Variants in CNTN5 observed in about 807,000 individuals in gnomAD.
CNTN5 encodes contactin 5, also known as contactin-5.
A neutral mutation model predicts 129.1 loss-of-function variants in CNTN5; 77 were observed. That is an observed-to-expected ratio of 0.60 (90% CI 0.50 to 0.72). The LOEUF (loss-of-function observed/expected upper bound fraction) is 0.72. CNTN5 is among the 30% of genes least tolerant of loss of function. The pLI is 0.00. For synonymous variants in CNTN5, 509 were observed against 465.6 expected, an observed-to-expected ratio of 1.09 and a Z score of -1.20; for missense variants, 1,478 against 1,328.8, an observed-to-expected ratio of 1.11 and a Z score of -1.75.
intron 1 of CNTN5, among the ~76,000 whole-genome samples, chr11:99,031,751 T>C (rs1399106985): frequency 6.6e-6 from 1 of 151,940 alleles, no homozygotes; most frequent in Non-Finnish European, 1.5e-5. Context: ...AATTCATGGC[T>C]TAGTTTTTCT....
chr11:99,641,838 A>G (rs547598537), intron 3 of CNTN5, among the ~76,000 whole-genome samples: 1 of 152,294 alleles, frequency 6.6e-6, no homozygotes, highest in South Asian at 2.1e-4. Context: ...TATTAAATAC[A>G]TAATAGCAAC....
At chr11:99,290,456 C>T (rs891330035) in intron 1 of CNTN5, among the ~76,000 whole-genome samples, 5 of 151,830 alleles carry the variant, frequency 3.3e-5, no homozygotes, top group Non-Finnish European at 7.4e-5. Context: ...TTTAAGGCTA[C>T]TAGAAATTTT....
intron 8 of CNTN5, among the ~76,000 whole-genome samples, chr11:99,999,241 T>G (rs542361002): frequency 1.3e-4 from 20 of 152,058 alleles, no homozygotes; most frequent in African/African-American, 3.9e-4. Flanking sequence ...GGGAGAAAAT[T>G]TTCACAACCT....
At chr11:99,322,959 A>G (rs1314772697) in intron 1 of CNTN5, among the ~76,000 whole-genome samples, 1 of 152,170 alleles carries the variant, frequency 6.6e-6, no homozygotes, top group Non-Finnish European at 1.5e-5. Flanking sequence ...GTTGTGAAAT[A>G]ATAAGACAAC....
chr11:100,206,723 A>G (rs1948920749), intron 15 of CNTN5, among the ~76,000 whole-genome samples: 1 of 152,072 alleles, frequency 6.6e-6, no homozygotes, highest in Non-Finnish European at 1.5e-5. Context: ...CTTCGGGAAA[A>G]CAGGGACTAA....
At chr11:99,846,089 G>A (rs1020546214) in intron 6 of CNTN5, among the ~76,000 whole-genome samples, 6 of 149,092 alleles carry the variant, frequency 4.0e-5, no homozygotes, top group African/African-American at 9.9e-5. Context: ...CCCAGTTTTC[G>A]TATTGCAAAA....
intron 2 of CNTN5, among the ~76,000 whole-genome samples, chr11:99,355,259 G>A (rs910498078): frequency 2.6e-5 from 4 of 152,124 alleles, no homozygotes; most frequent in Non-Finnish European, 5.9e-5. Context: ...GCTTCATAAA[G>A]TCAGTAATTC....
chr11:99,333,683 T>C (rs1866096740), intron 2 of CNTN5, among the ~76,000 whole-genome samples: 1 of 152,070 alleles, frequency 6.6e-6, no homozygotes, highest in African/African-American at 2.4e-5. Flanking sequence ...GAAAATTTTC[T>C]GTTGTGTCTA....
intron 1 of CNTN5, among the ~76,000 whole-genome samples, chr11:99,307,038 G>T (rs1864909314): frequency 6.6e-6 from 1 of 152,066 alleles, no homozygotes; most frequent in Admixed American, 6.5e-5. Context: ...AAGTGAAAAT[G>T]AGATAATAAG....
At chr11:99,850,572 G>A (rs186848508) in intron 6 of CNTN5, among the ~76,000 whole-genome samples, 1 of 152,040 alleles carries the variant, frequency 6.6e-6, no homozygotes, top group East Asian at 1.9e-4. Context: ...GTATAATAAT[G>A]TTACTTTATT....
chr11:99,519,561 T>C (rs1947192436), intron 2 of CNTN5, among the ~76,000 whole-genome samples: 1 of 152,110 alleles, frequency 6.6e-6, no homozygotes, highest in Admixed American at 6.6e-5. Flanking sequence ...AATTTGAATA[T>C]GTCAATTTTC....
intron 13 of CNTN5, among the ~76,000 whole-genome samples, chr11:100,165,316 T>A (rs1011758193): frequency 6.6e-6 from 1 of 151,750 alleles, no homozygotes; most frequent in African/African-American, 2.4e-5. Flanking sequence ...TCAGATCCTG[T>A]GTAACTTGGC....
chr11:100,162,293 AATG>A (rs1947482271), intron 13 of CNTN5, among the ~76,000 whole-genome samples: 1 of 151,884 alleles, frequency 6.6e-6, no homozygotes, highest in African/African-American at 2.4e-5. Context: ...ATGCCCAATC[AATG>A]ATAATGCAGC....
At chr11:99,199,144 G>T (rs555911819) in intron 1 of CNTN5, among the ~76,000 whole-genome samples, 8 of 152,188 alleles carry the variant, frequency 5.3e-5, no homozygotes, top group African/African-American at 1.9e-4. Flanking sequence ...GGAGAACCTA[G>T]GTCTAGAAAG....
chr11:99,221,287 G>T (rs1298700632), intron 1 of CNTN5, among the ~76,000 whole-genome samples: 2 of 151,854 alleles, frequency 1.3e-5, no homozygotes, highest in Non-Finnish European at 2.9e-5. Context: ...TGACAATGGA[G>T]AATTAATCTG....
At chr11:99,385,920 T>C (rs1330513071) in intron 2 of CNTN5, among the ~76,000 whole-genome samples, 1 of 152,182 alleles carries the variant, frequency 6.6e-6, no homozygotes, top group Non-Finnish European at 1.5e-5. Context: ...TGAAACCCCA[T>C]TCATAGCTAT....
intron 8 of CNTN5, among the ~76,000 whole-genome samples, chr11:99,962,606 C>T (rs1412675586): frequency 2.0e-5 from 3 of 150,800 alleles, no homozygotes; most frequent in South Asian, 2.1e-4. Context: ...TGAATAATGC[C>T]GCAATAAACA....
rs372985443 is a variant in CNTN5 at position 99,108,606 on chromosome 11, G to A, written c.-210+87336G>A. Among the ~76,000 whole-genome samples, 199 of 152,214 alleles carry A rather than the reference G, an allele frequency of 1.3e-3. 1 individual carries two copies. The highest frequency in any genetic ancestry group is 4.6e-3 in the African/African-American group (191 of 41,536). On this transcript the variant is annotated intron_variant, in intron 1 of 24. Coordinates refer to ENST00000524871, the MANE Select transcript of CNTN5 (RefSeq NM_014361.4). ...ATTGTATAAGCATAATATCTAAAAT[G>A]CCCAAATACAAAATTTTACATAGTA... is the stretch of plus-strand genomic sequence containing the variant.
intron 13 of CNTN5, among the ~76,000 whole-genome samples, chr11:100,094,413 A>C (rs1159537884): frequency 6.6e-6 from 1 of 152,170 alleles, no homozygotes. Flanking sequence ...ATTTAGCTTA[A>C]AGTGACATTT....
Sources: gnomAD v4.1 joint callset for allele counts (sites outside exome capture counted in the v4.1 genomes callset) on GRCh38, gnomAD v4.1.1 for gene constraint, MANE v1.5 for transcripts, NCBI Gene and HGNC (gene_info 2026-07-23, HGNC 2026-07-21) for gene names.